Variants in LMOD1 observed in about 807,000 individuals in gnomAD.
The protein encoded by LMOD1 is leiomodin-1.
In LMOD1, 8 loss-of-function variants were observed where a neutral mutation model predicts 36.5. That is an observed-to-expected ratio of 0.22 (90% CI 0.13 to 0.40). The LOEUF is 0.40. LMOD1 is among the 10% of genes least tolerant of loss of function. The pLI is 1.00. For missense variants in LMOD1, 630 were observed against 751.1 expected (o/e 0.84, Z 1.88); for synonymous variants, 284 against 288.7 (o/e 0.98, Z 0.17).
At chr1:201,917,948 C>G (rs2102918348) in intron 1 of LMOD1, among the ~76,000 whole-genome samples, 1 of 152,336 alleles carries the variant, frequency 6.6e-6, no homozygotes, top group African/African-American at 2.4e-5. Flanking sequence ...TTTATGGTGT[C>G]TGACCTCTGC....
At chr1:201,914,025 T>C (rs1296892772) in intron 1 of LMOD1, among the ~76,000 whole-genome samples, 2 of 151,378 alleles carry the variant, frequency 1.3e-5, no homozygotes, top group Admixed American at 1.3e-4. Context: ...GACCCAAAAG[T>C]GGAACCGCTG....
In LMOD1 at chr1:201,898,014, G is replaced by C. The variant is rs1681222684; in HGVS notation, c.*358C>G. On this transcript the variant is annotated 3_prime_UTR_variant, in exon 3 of 3. Coordinates refer to ENST00000367288, the MANE Select transcript of LMOD1 (RefSeq NM_012134.3). ...GGCCCTGGAGGGCAGTGGGGCTGGG[G>C]TGGATGTGGTCCCTGTGGGACATCT... is the stretch of plus-strand genomic sequence containing the variant. 1 of 257,430 alleles carries C rather than the reference G, an allele frequency of 3.9e-6. No individual in the cohort carries two copies. The highest frequency in any genetic ancestry group is 5.3e-5 in the Admixed American group (1 of 18,934). 15.9% of individuals were successfully genotyped at this position (257,430 alleles called of 1,614,324 possible).
At chr1:201,911,551 GC>G (rs1469529521) in intron 1 of LMOD1, among the ~76,000 whole-genome samples, 11 of 152,314 alleles carry the variant, frequency 7.2e-5, no homozygotes, top group African/African-American at 2.6e-4. Context: ...TGTAATCCCA[GC>G]TACCCGGGAG....
At chr1:201,908,575 G>A (rs1392581125) in intron 1 of LMOD1, among the ~76,000 whole-genome samples, 1 of 152,134 alleles carries the variant, frequency 6.6e-6, no homozygotes, top group East Asian at 1.9e-4. Flanking sequence ...TTCCTAATTT[G>A]GGGTTGGGGG....
intron 1 of LMOD1, among the ~76,000 whole-genome samples, chr1:201,925,238 C>T (rs908736044): frequency 6.6e-5 from 10 of 151,962 alleles, no homozygotes; most frequent in South Asian, 2.1e-4. Flanking sequence ...AAAAAAAGAT[C>T]TTCCTTGGCC....
chr1:201,942,399 G>A (rs901721385), intron 1 of LMOD1, among the ~76,000 whole-genome samples: 6 of 152,244 alleles, frequency 3.9e-5, no homozygotes, highest in African/African-American at 1.4e-4. Flanking sequence ...CCTGGAGGAA[G>A]TGGTACCTGA....
chr1:201,940,748 A>ACTT (rs1553299404), intron 1 of LMOD1, among the ~76,000 whole-genome samples: 2 of 125,248 alleles, frequency 1.6e-5, no homozygotes, highest in Non-Finnish European at 3.3e-5. Context: ...CACGCCCAGC[A>ACTT]TTTTTTTTTT....
In LMOD1 at chr1:201,946,406, G is replaced by A; in HGVS notation, c.-66C>T. Reference sequence around the variant, plus strand: ...CCTGGTGGGCAGGGAAGGGAGAGGGGTGAGCTGATCTGGATGCAGCGAGTG... The same window carrying A: ...CCTGGTGGGCAGGGAAGGGAGAGGGATGAGCTGATCTGGATGCAGCGAGTG... On this transcript the variant is annotated 5_prime_UTR_variant, in exon 1 of 3. Transcript: ENST00000367288. 6.4e-7 allele frequency: 1 copy of A among 1,552,312 alleles called. No individual in the cohort carries two copies. The highest frequency in any genetic ancestry group is 1.2e-5 in the South Asian group (1 of 83,388).
intron 1 of LMOD1, among the ~76,000 whole-genome samples, chr1:201,910,104 G>A (rs373807326): frequency 4.0e-4 from 61 of 152,172 alleles, no homozygotes; most frequent in African/African-American, 1.4e-3. Flanking sequence ...TGATGTAATT[G>A]ACTCCTCAGC....
intron 1 of LMOD1, among the ~76,000 whole-genome samples, chr1:201,919,415 G>A (rs1372117709): frequency 6.6e-6 from 1 of 151,950 alleles, no homozygotes. Context: ...TGTTGGCCAG[G>A]CTGGTCTCAA....
At chr1:201,933,598 TATATATATA>T (rs1681967833) in intron 1 of LMOD1, among the ~76,000 whole-genome samples, 1 of 6,568 alleles carries the variant, frequency 1.5e-4, no homozygotes, top group Non-Finnish European at 8.1e-4. Context: ...ACATACATTA[TATATATATA>T]TATATATATA....
At chr1:201,919,466 A>G (rs1558238690) in intron 1 of LMOD1, among the ~76,000 whole-genome samples, 1 of 146,836 alleles carries the variant, frequency 6.8e-6, no homozygotes, top group Admixed American at 6.7e-5. Context: ...GGCCTCCCAA[A>G]GTGCTGGGAT....
chr1:201,910,522 G>A (rs1385404570), intron 1 of LMOD1, among the ~76,000 whole-genome samples: 3 of 152,032 alleles, frequency 2.0e-5, no homozygotes, highest in African/African-American at 4.8e-5. Context: ...GTGCTCAAGC[G>A]ATTCTCCTGC....
Position 201,897,500 on chromosome 1 carries a change from A to G in LMOD1, c.*872T>C, listed in dbSNP as rs533605428. The G allele has an allele frequency of 2.6e-5, 4 of 152,754 alleles. No homozygotes were observed. The East Asian group carries it at 7.7e-4, about 29-fold the overall frequency. The allele number at this position is 152,754 out of a possible 1,614,324, so 9.5% of individuals were successfully genotyped here. ...GAGTTCAGATTTTCCTCCATGCTGC[A>G]CTTTCTGAGGATGTGAATTTATTTC... is the stretch of plus-strand genomic sequence containing the variant. On this transcript the variant is annotated 3_prime_UTR_variant, in exon 3 of 3. Coordinates refer to ENST00000367288, the MANE Select transcript of LMOD1 (RefSeq NM_012134.3).
intron 1 of LMOD1, among the ~76,000 whole-genome samples, chr1:201,910,155 C>G (rs1313021551): frequency 6.6e-6 from 1 of 152,228 alleles, no homozygotes; most frequent in Non-Finnish European, 1.5e-5. Flanking sequence ...AGGCTCCAGT[C>G]TCAGCAAGAG....
intron 1 of LMOD1, among the ~76,000 whole-genome samples, chr1:201,916,541 C>CA (rs1249011250): frequency 1.6e-5 from 2 of 129,018 alleles, no homozygotes; most frequent in Non-Finnish European, 3.5e-5. Context: ...CAAAACAAAA[C>CA]AAAAACCAAC....
chr1:201,914,008 G>C (rs554455471), intron 1 of LMOD1, among the ~76,000 whole-genome samples: 1 of 152,144 alleles, frequency 6.6e-6, no homozygotes, highest in Non-Finnish European at 1.5e-5. Flanking sequence ...CTTTGGGAGT[G>C]TAGATGGACC....
intron 1 of LMOD1, among the ~76,000 whole-genome samples, chr1:201,924,186 C>T (rs1361704287): frequency 6.7e-5 from 10 of 150,032 alleles, no homozygotes; most frequent in Admixed American, 6.0e-4. Context: ...TAGCCGGGAG[C>T]GGTGGCGGGC....
Position 201,900,328 on chromosome 1 carries a change from T to G in LMOD1, c.685A>C (p.Asn229His). The G allele has an allele frequency of 6.3e-7, 1 of 1,588,710 alleles. No individual in the cohort carries two copies. Among genetic ancestry groups the G allele is most frequent in the African/African-American group, 1.3e-5 (1 of 74,664 alleles). ...TCACCCTCTTTTCTGGTGTCTGTGT[T>G]CCTACGCTCCCCTTTTACCTTCTCA... ...DDEKVKGERR[N>H]TDTRKEGEKM... is the part of the protein sequence containing the mutation. Residue 229 changes from asparagine (N) to histidine (H), a missense_variant, in exon 2 of 3, where the codon AAC becomes CAC. By Grantham distance (68) the Asn-to-His change is moderately conservative. Around this residue, in one of 3 missense-constraint regions of LMOD1, gnomAD observed 405 missense variants for 400.6 expected, o/e 1.01. Coordinates refer to ENST00000367288, the MANE Select transcript of LMOD1 (RefSeq NM_012134.3).
Sources: gnomAD v4.1 joint callset for allele counts (sites outside exome capture counted in the v4.1 genomes callset) on GRCh38, gnomAD v4.1.1 for gene constraint, gnomAD v4.1.1 regional missense constraint, MANE v1.5 for transcripts, NCBI Gene and HGNC (gene_info 2026-07-23, HGNC 2026-07-21) for gene names.